Variants in KBTBD11 observed in about 807,000 individuals in gnomAD.
KBTBD11 encodes kelch repeat and BTB domain containing 11.
For synonymous variants in KBTBD11, 747 were observed against 499.0 expected (o/e 1.50, Z -6.63); for missense variants, 1,390 against 1,001.8 (o/e 1.39, Z -5.23).
In KBTBD11 at chr8:2,002,644, G is replaced by C; in HGVS notation, c.1452G>C (p.Pro484=). Residue 484 remains proline (P), a synonymous_variant, in exon 2 of 2, where the codon CCG becomes CCC. Coordinates refer to ENST00000320248, the MANE Select transcript of KBTBD11 (RefSeq NM_014867.3). The surrounding 1 kb of genome is among the most constrained non-coding windows in gnomAD (Gnocchi z 4.1). ...GGCGCGACGAGTGGCAGGAGTGCCC[G>C]TGCAGCAGCAGCCGCGAGCGCTCGG... ...DPRRDEWQEC[P]CSSSRERSAD... 6.3e-7 allele frequency: 1 copy of C among 1,578,332 alleles called. No homozygotes were observed. Among genetic ancestry groups the C allele is most frequent in the South Asian group, 1.1e-5 (1 of 87,768 alleles).
chr8:2,002,042 C>A lies in KBTBD11; in HGVS notation c.850C>A (p.Leu284Met). 2.4e-6 allele frequency: 3 copies of A among 1,254,788 alleles called. No homozygotes were observed. The highest frequency in any genetic ancestry group is 2.0e-6 in the Non-Finnish European group (2 of 992,748). 77.7% of individuals were successfully genotyped at this position (1,254,788 alleles called of 1,614,324 possible). A position where few individuals can be genotyped will look rare whatever the true frequency, so the allele number is the denominator to read the frequency against. ...GRLSGAERDL[L>M]LRRRLRAGRA... ...CCTGTCGGGCGCAGAGCGGGACCTGCTGCTGCGCCGCCGCCTGCGCGCCGG... is the reference window on the plus strand; with the variant it reads ...CCTGTCGGGCGCAGAGCGGGACCTGATGCTGCGCCGCCGCCTGCGCGCCGG... The change falls in exon 2 of 2, where the codon CTG becomes ATG. Residue 284 changes from leucine to methionine, a missense_variant. Transcript: ENST00000320248. This position sits in a 1 kb window ranked among gnomAD's most constrained non-coding sequence, Gnocchi z 4.1.
chr8:1,990,305 G>A (rs1265826400), intron 1 of KBTBD11, among the ~76,000 whole-genome samples: 3 of 146,968 alleles, frequency 2.0e-5, no homozygotes, highest in African/African-American at 5.0e-5. Context: ...TGCCCTGTCC[G>A]GGTGGGTACT....
At chr8:1,989,355 T>A (rs1816823529) in intron 1 of KBTBD11, among the ~76,000 whole-genome samples, 1 of 152,210 alleles carries the variant, frequency 6.6e-6, no homozygotes, top group Admixed American at 6.5e-5. Context: ...TCCAGATCTG[T>A]GATTCCAGTG....
In KBTBD11 at chr8:2,003,616, A is replaced by G. The variant is rs1817482766; in HGVS notation, c.*552A>G. On this transcript the variant is annotated 3_prime_UTR_variant, in exon 2 of 2. Transcript: ENST00000320248. ...GCTCAACTCCAAAAAGAGTAATTTAATAAGCATTAAAGGTAAAATCTTTGA... is the reference window on the plus strand; with the variant it reads ...GCTCAACTCCAAAAAGAGTAATTTAGTAAGCATTAAAGGTAAAATCTTTGA... The G allele has an allele frequency of 6.0e-6, 1 of 167,062 alleles. No individual in the cohort carries two copies. Among genetic ancestry groups the G allele is most frequent in the Non-Finnish European group, 1.5e-5 (1 of 68,124 alleles). The allele number at this position is 167,062 out of a possible 1,614,324, so 10.3% of individuals were successfully genotyped here. A position where few individuals can be genotyped will look rare whatever the true frequency, so the allele number is the denominator to read the frequency against.
chr8:1,993,416 T>TCCATCCAC (rs1224772887), intron 1 of KBTBD11, among the ~76,000 whole-genome samples: 3 of 112,688 alleles, frequency 2.7e-5, no homozygotes, highest in Non-Finnish European at 4.1e-5. Context: ...CATCCATCCA[T>TCCATCCAC]CCATCCACCC....
chr8:1,988,690 TG>T (rs2129311907), intron 1 of KBTBD11, among the ~76,000 whole-genome samples: 1 of 152,324 alleles, frequency 6.6e-6, no homozygotes, highest in South Asian at 2.1e-4. Flanking sequence ...CATTCAAACG[TG>T]TGCAGTGGCT....
chr8:1,996,255 T>C (rs1310249000), intron 1 of KBTBD11, among the ~76,000 whole-genome samples: 1 of 152,074 alleles, frequency 6.6e-6, no homozygotes, highest in Non-Finnish European at 1.5e-5. Context: ...AGGCAATGCG[T>C]GTAGGACGCT....
In KBTBD11 at chr8:2,000,933, T is replaced by C; in HGVS notation, c.-260T>C. The C allele has an allele frequency of 2.5e-6, 1 of 394,914 alleles. No individual in the cohort carries two copies. Among genetic ancestry groups the C allele is most frequent in the East Asian group, 3.7e-5 (1 of 27,138 alleles). The allele number at this position is 394,914 out of a possible 1,614,324, so 24.5% of individuals were successfully genotyped here. The stretch of plus-strand genomic sequence containing the variant: ...CAAGACTTTCTGGGCAGATTTAAAG[T>C]GGCTGGGGTTCAGAAGTTCAGCAAG... On this transcript the variant is annotated 5_prime_UTR_variant, in exon 2 of 2. Transcript: ENST00000320248.
At chr8:1,982,991 G>C (rs1816590506) in intron 1 of KBTBD11, among the ~76,000 whole-genome samples, 1 of 152,172 alleles carries the variant, frequency 6.6e-6, no homozygotes, top group Non-Finnish European at 1.5e-5. Flanking sequence ...CTCTCAGAGT[G>C]CTGGGATTAC....
rs1392812490 is a variant in KBTBD11 at position 2,004,490 on chromosome 8, T to A, written c.*1426T>A. 3.0e-5 allele frequency: 5 copies of A among 167,102 alleles called. No individual in the cohort carries two copies. The highest frequency in any genetic ancestry group is 7.3e-5 in the Non-Finnish European group (5 of 68,134). 10.4% of individuals were successfully genotyped at this position (167,102 alleles called of 1,614,324 possible). A position where few individuals can be genotyped will look rare whatever the true frequency, so the allele number is the denominator to read the frequency against. On this transcript the variant is annotated 3_prime_UTR_variant, in exon 2 of 2. Transcript: ENST00000320248. ...TACTTTAATATTATTTGTTTGTTAA[T>A]CCAGTAATGGGAACTGCCATCTCTG...
In KBTBD11 at chr8:2,004,751, C is replaced by G. The variant is rs1817520687; in HGVS notation, c.*1687C>G. On this transcript the variant is annotated 3_prime_UTR_variant, in exon 2 of 2. Transcript: ENST00000320248. Reference sequence around the variant, plus strand: ...GGTTAATCATCTTGGGAAAGAAAAACAGACTTCATATCGCCTGACTTGATT... The same window carrying G: ...GGTTAATCATCTTGGGAAAGAAAAAGAGACTTCATATCGCCTGACTTGATT... The G allele has an allele frequency of 6.0e-6, 1 of 167,056 alleles. No homozygotes were observed. Among genetic ancestry groups the G allele is most frequent in the Non-Finnish European group, 1.5e-5 (1 of 68,134 alleles). 10.3% of individuals were successfully genotyped at this position (167,056 alleles called of 1,614,324 possible).
At chr8:1,998,708 A>G (rs1817233113) in intron 1 of KBTBD11, among the ~76,000 whole-genome samples, 1 of 152,210 alleles carries the variant, frequency 6.6e-6, no homozygotes, top group South Asian at 2.1e-4. Context: ...GCCAGTTCTC[A>G]GATTTTATTT....
At position 2,003,076 on chromosome 8, in the gene KBTBD11, C is replaced by T. The variant is rs1438702684; in HGVS notation, c.*12C>T. The T allele has an allele frequency of 1.4e-5, 17 of 1,257,364 alleles. No homozygotes were observed. The African/African-American group carries it at 1.9e-4, about 14-fold the overall frequency. The allele number at this position is 1,257,364 out of a possible 1,614,324, so 77.9% of individuals were successfully genotyped here. A position where few individuals can be genotyped will look rare whatever the true frequency, so the allele number is the denominator to read the frequency against. On this transcript the variant is annotated 3_prime_UTR_variant, in exon 2 of 2. Coordinates refer to ENST00000320248, the MANE Select transcript of KBTBD11 (RefSeq NM_014867.3). ...AGGGCGCCCCGTAGGCCGGCGGGGT[C>T]GGCGGGCGTCTCCCTCGGCAGGGGT...
At chr8:1,993,442 C>T (rs1563371971) in intron 1 of KBTBD11, among the ~76,000 whole-genome samples, 1 of 149,712 alleles carries the variant, frequency 6.7e-6, no homozygotes, top group South Asian at 2.1e-4. Flanking sequence ...CCCATCCATC[C>T]ATCTATCCAT....
At chr8:1,986,496 GTC>G (rs1028267577) in intron 1 of KBTBD11, among the ~76,000 whole-genome samples, 7 of 152,162 alleles carry the variant, frequency 4.6e-5, no homozygotes, top group Admixed American at 6.5e-5. Context: ...TCTTGGACAA[GTC>G]TCTCTTTTAT....
chr8:2,001,855 G>A lies in KBTBD11; in HGVS notation c.663G>A (p.Gln221=). 5 of 1,278,716 alleles carry A rather than the reference G, an allele frequency of 3.9e-6. No individual in the cohort carries two copies. The highest frequency in any genetic ancestry group is 5.0e-6 in the Non-Finnish European group (5 of 1,007,132). 79.2% of individuals were successfully genotyped at this position (1,278,716 alleles called of 1,614,324 possible). A position where few individuals can be genotyped will look rare whatever the true frequency, so the allele number is the denominator to read the frequency against. ...GCCTGCAGCTGCCCGGCGCCGCGCA[G>A]CGCGCCACCGACGCCGTGGGGCCGC... is the stretch of plus-strand genomic sequence containing the variant. ...ARRLQLPGAA[Q]RATDAVGPQL... The change falls in exon 2 of 2, where the codon CAG becomes CAA. Residue 221 remains glutamine (Q), a synonymous_variant. Coordinates refer to ENST00000320248, the MANE Select transcript of KBTBD11 (RefSeq NM_014867.3).
At chr8:1,985,881 G>A (rs965087845) in intron 1 of KBTBD11, among the ~76,000 whole-genome samples, 3 of 152,154 alleles carry the variant, frequency 2.0e-5, no homozygotes, top group Non-Finnish European at 4.4e-5. Context: ...TGTAAAGAAC[G>A]AATGATAACA....
chr8:2,001,734 T>C lies in KBTBD11; in HGVS notation c.542T>C (p.Leu181Pro), dbSNP rs1041345381. The C allele has an allele frequency of 1.8e-5, 25 of 1,362,980 alleles. No individual in the cohort carries two copies. The highest frequency in any genetic ancestry group is 2.3e-5 in the Non-Finnish European group (24 of 1,061,010). The allele number at this position is 1,362,980 out of a possible 1,614,324, so 84.4% of individuals were successfully genotyped here. The change falls in exon 2 of 2, where the codon CTG (leucine) becomes CCG (proline). Residue 181 changes from leucine to proline, a missense_variant. Transcript: ENST00000320248. ...RDVLRVQGVS[L>P]TALRLLLADA... ...GTGCTGCGGGTGCAGGGAGTGAGCC[T>C]GACGGCGCTGCGGCTGCTCCTCGCC...
Position 2,001,892 on chromosome 8 carries a change from G to A in KBTBD11, c.700G>A (p.Ala234Thr). Reference protein sequence around the residue: ...TDAVGPQLSLANCYEVLSAAK... With the variant: ...TDAVGPQLSLTNCYEVLSAAK... ...CGCCGTGGGGCCGCAGCTGAGCCTGGCCAACTGCTACGAGGTCCTGAGCGC... is the reference window on the plus strand; with the variant it reads ...CGCCGTGGGGCCGCAGCTGAGCCTGACCAACTGCTACGAGGTCCTGAGCGC... The change falls in exon 2 of 2, where the codon GCC becomes ACC. Residue 234 changes from alanine (A) to threonine (T), a missense_variant. Coordinates refer to ENST00000320248, the MANE Select transcript of KBTBD11 (RefSeq NM_014867.3). 1.4e-6 allele frequency: 2 copies of A among 1,408,272 alleles called. No individual in the cohort carries two copies. The highest frequency in any genetic ancestry group is 2.2e-4 in the Middle Eastern group (1 of 4,650). 87.2% of individuals were successfully genotyped at this position (1,408,272 alleles called of 1,614,324 possible).
Sources: gnomAD v4.1 joint callset for allele counts (sites outside exome capture counted in the v4.1 genomes callset) on GRCh38, gnomAD v4.1.1 for gene constraint, Gnocchi (gnomAD v3.1) non-coding constraint, MANE v1.5 for transcripts, NCBI Gene and HGNC (gene_info 2026-07-23, HGNC 2026-07-21) for gene names.